KHDRBS1: variants seen among roughly 807,000 people sequenced by gnomAD.
KHDRBS1 encodes the protein KH RNA binding domain containing, signal transduction associated 1.
In KHDRBS1, 7 loss-of-function variants were observed where a neutral mutation model predicts 48.4. The ratio of observed to expected loss-of-function variants is 0.14; its 90% CI spans 0.08 to 0.27. The LOEUF (loss-of-function observed/expected upper bound fraction) is 0.27, where lower values mean the gene tolerates loss of function less well. KHDRBS1 is among the 10% of genes least tolerant of loss of function. The pLI is 1.00. For missense variants in KHDRBS1, 458 were observed against 601.2 expected, an observed-to-expected ratio of 0.76 and a Z score of 2.49; for synonymous variants, 241 against 235.8, an observed-to-expected ratio of 1.02 and a Z score of -0.20.
intron 3 of KHDRBS1, among the ~76,000 whole-genome samples, chr1:32,032,759 G>A (rs1557894503): frequency 6.6e-6 from 1 of 151,638 alleles, no homozygotes; most frequent in Admixed American, 6.6e-5. Context: ...GGAGTGCAGT[G>A]GCTCACTGCA....
intron 4 of KHDRBS1, among the ~76,000 whole-genome samples, chr1:32,034,232 G>A (rs1379832158): frequency 6.6e-6 from 1 of 152,192 alleles, no homozygotes; most frequent in Non-Finnish European, 1.5e-5. Context: ...ACTAAATGTG[G>A]TGTCAGATGA....
chr1:32,049,064 T>G (rs908716511), intron 10 of KHDRBS1, among the ~76,000 whole-genome samples: 34 of 149,820 alleles, frequency 2.3e-4, no homozygotes, highest in South Asian at 6.4e-4. Context: ...GTTTTTTTGG[T>G]TTTTTTTTGA....
At chr1:32,022,092 T>C (rs1462286706) in intron 1 of KHDRBS1, among the ~76,000 whole-genome samples, 2 of 151,910 alleles carry the variant, frequency 1.3e-5, no homozygotes, top group Non-Finnish European at 2.9e-5. Context: ...CTCAGCCTCC[T>C]GAGTAGCTGA....
rs755195903 is a variant in KHDRBS1, at chr1:32,036,957, C to T, written c.819C>T (p.Tyr273=). 1 of 1,614,036 alleles carries T rather than the reference C, an allele frequency of 6.2e-7. No individual in the cohort carries two copies. Among genetic ancestry groups the T allele is most frequent in the Non-Finnish European group, 8.5e-7 (1 of 1,179,954 alleles). Residue 273 remains tyrosine, a synonymous_variant, in exon 5 of 9, where the codon TAC becomes TAT. Coordinates refer to ENST00000327300, the MANE Select transcript of KHDRBS1 (RefSeq NM_006559.3). The stretch of plus-strand genomic sequence containing the variant: ...AGGAGCAATTTCTAGAGCTGTCCTA[C>T]TTGAATGGAGTACCTGAACCCTCTC... The part of the protein sequence containing the change: ...ICQEQFLELS[Y]LNGVPEPSRG...
At chr1:32,057,260 C>T (rs1437892649) in intron 10 of KHDRBS1, among the ~76,000 whole-genome samples, 1 of 152,102 alleles carries the variant, frequency 6.6e-6, no homozygotes, top group Non-Finnish European at 1.5e-5. Flanking sequence ...GCTCATTACA[C>T]CCTCAAGTGA....
intron 10 of KHDRBS1, among the ~76,000 whole-genome samples, chr1:32,050,915 G>GAA (rs2124398731): frequency 6.6e-6 from 1 of 151,922 alleles, no homozygotes; most frequent in East Asian, 1.9e-4. Flanking sequence ...TTTTGAGACA[G>GAA]AGTCTCACTC....
At chr1:32,040,615 G>A in intron 8 of KHDRBS1, among the ~76,000 whole-genome samples, 1 of 152,216 alleles carries the variant, frequency 6.6e-6, no homozygotes, top group Admixed American at 6.5e-5. Context: ...TCGCTCAAGT[G>A]TGTCCTCAAG....
chr1:32,028,713 G>A (rs569048632), intron 1 of KHDRBS1, among the ~76,000 whole-genome samples: 54 of 151,248 alleles, frequency 3.6e-4, no homozygotes, highest in African/African-American at 1.3e-3. Context: ...CACCGTGTTA[G>A]CCAGGATGGT....
At position 32,039,686 on chromosome 1, in the gene KHDRBS1, G is replaced by A. The variant is rs1639247763; in HGVS notation, c.1234+113G>A. On this transcript the variant is annotated intron_variant, in intron 8 of 8. Transcript: ENST00000327300. Reference sequence around the variant, plus strand: ...CACACCTACGGATAAACCTTTAGAAGGCCAAGATTTTGCTAGATGTGACAG... The same window carrying A: ...CACACCTACGGATAAACCTTTAGAAAGCCAAGATTTTGCTAGATGTGACAG... 1.0e-5 allele frequency: 7 copies of A among 700,662 alleles called. No individual in the cohort carries two copies. In the South Asian group the frequency reaches 1.1e-4, roughly 11 times the overall value. 43.4% of individuals were successfully genotyped at this position (700,662 alleles called of 1,614,324 possible).
At chr1:32,034,861 G>C (rs530541741) in intron 4 of KHDRBS1, among the ~76,000 whole-genome samples, 1 of 151,472 alleles carries the variant, frequency 6.6e-6, no homozygotes, top group East Asian at 2.0e-4. Context: ...GGCGCCTGTA[G>C]TCCCAGCTAA....
chr1:32,059,140 G>A (rs1038167284), intron 10 of KHDRBS1, among the ~76,000 whole-genome samples: 11 of 129,304 alleles, frequency 8.5e-5, no homozygotes, highest in Non-Finnish European at 1.6e-4. Context: ...CAGCCTGAGT[G>A]ACAGAGCGAG....
At chr1:32,015,410 A>G (rs1409476736) in intron 1 of KHDRBS1, among the ~76,000 whole-genome samples, 3 of 152,202 alleles carry the variant, frequency 2.0e-5, no homozygotes, top group African/African-American at 4.8e-5. Context: ...TCAACACTGA[A>G]TGAGTAGTTG....
chr1:32,014,924 C>A (rs1289954487), intron 1 of KHDRBS1, among the ~76,000 whole-genome samples: 1 of 152,106 alleles, frequency 6.6e-6, no homozygotes, highest in African/African-American at 2.4e-5. Context: ...GCTTAAGTTG[C>A]TGGGAGGAAG....
At chr1:32,030,214 T>C (rs1225680489) in intron 1 of KHDRBS1, 84 bp from the exon 2 acceptor site, 13 of 1,114,280 alleles carry the variant, frequency 1.2e-5, no homozygotes, top group Non-Finnish European at 1.7e-5. Context: ...TTTCACTATA[T>C]GGTATTCCAT....
intron 1 of KHDRBS1, among the ~76,000 whole-genome samples, chr1:32,019,395 C>A (rs1638810791): frequency 6.6e-6 from 1 of 151,756 alleles, no homozygotes. Flanking sequence ...ACTAAAAATA[C>A]AAAAATTAGT....
At chr1:32,016,186 G>GAAAA (rs576956025) in intron 1 of KHDRBS1, among the ~76,000 whole-genome samples, 50 of 84,820 alleles carry the variant, frequency 5.9e-4, no homozygotes, top group African/African-American at 1.9e-3. Flanking sequence ...CTCAAAAAAG[G>GAAAA]AAAAAAAAAA....
chr1:32,031,348 C>G lies in KHDRBS1; in HGVS notation c.508-176C>G, dbSNP rs41312631. Among the ~76,000 whole-genome samples, 1,081 of 152,276 alleles carry G rather than the reference C, an allele frequency of 7.1e-3. 5 individuals are homozygous for G. Among genetic ancestry groups the G allele is most frequent in the Non-Finnish European group, 0.013 (874 of 68,024 alleles). ...ATTCAGGTCTAGGAACTGCCACTTT[C>G]TAGTTTCATAACCTTAAGCTAATCA... On this transcript the variant is annotated intron_variant, in intron 2 of 8. Coordinates refer to ENST00000327300, the MANE Select transcript of KHDRBS1 (RefSeq NM_006559.3).
At chr1:32,018,752 G>A (rs999748620) in intron 1 of KHDRBS1, among the ~76,000 whole-genome samples, 2 of 150,842 alleles carry the variant, frequency 1.3e-5, no homozygotes, top group Non-Finnish European at 3.0e-5. Context: ...GTGAGACTCC[G>A]TCTCAAAAAC....
chr1:32,027,269 A>G (rs1638993872), intron 1 of KHDRBS1, among the ~76,000 whole-genome samples: 1 of 152,180 alleles, frequency 6.6e-6, no homozygotes, highest in Non-Finnish European at 1.5e-5. Flanking sequence ...TGATGTTCTC[A>G]GATCAGAATT....
Sources: allele counts gnomAD v4.1 joint callset (sites outside exome capture counted in the v4.1 genomes callset), GRCh38; gene constraint gnomAD v4.1.1; transcripts MANE v1.5; gene names NCBI Gene and HGNC (gene_info 2026-07-23, HGNC 2026-07-21).